The following CTNNBL1 variants were observed in gnomAD, a reference collection of about 807,000 sequenced individuals.
CTNNBL1 encodes catenin beta like 1.
Under a neutral mutation model 72.7 loss-of-function variants are expected in CTNNBL1, and 31 were observed. That is an observed-to-expected ratio of 0.43 (90% CI 0.32 to 0.58). The LOEUF (loss-of-function observed/expected upper bound fraction) is 0.58. CTNNBL1 is among the 20% of genes least tolerant of loss of function. The probability of loss-of-function intolerance (pLI) is 0.08; values close to 1 mark genes in which losing one functional copy is unlikely to be tolerated. For synonymous variants in CTNNBL1, 240 were observed against 267.3 expected, an observed-to-expected ratio of 0.90 and a Z score of 1.00; for missense variants, 534 against 725.1, an observed-to-expected ratio of 0.74 and a Z score of 3.03.
At chr20:37,827,999 GC>G (rs1600513193) in intron 11 of CTNNBL1, among the ~76,000 whole-genome samples, 1 of 152,002 alleles carries the variant, frequency 6.6e-6, no homozygotes, top group East Asian at 1.9e-4. Flanking sequence ...CCCCTTTGTT[GC>G]CCTGATAAAT....
At chr20:37,763,180 A>G (rs2073433842) in intron 5 of CTNNBL1, among the ~76,000 whole-genome samples, 1 of 152,186 alleles carries the variant, frequency 6.6e-6, no homozygotes, top group Admixed American at 6.5e-5. Context: ...TGATTTAGGG[A>G]AAAACATACT....
At chr20:37,758,814 C>T (rs894191241) in intron 5 of CTNNBL1, among the ~76,000 whole-genome samples, 1 of 152,230 alleles carries the variant, frequency 6.6e-6, no homozygotes, top group African/African-American at 2.4e-5. Context: ...ATTAGAAGCA[C>T]CTGGGCTGCT....
intron 11 of CTNNBL1, among the ~76,000 whole-genome samples, chr20:37,815,715 G>A (rs2072051381): frequency 6.6e-6 from 1 of 152,160 alleles, no homozygotes; most frequent in Non-Finnish European, 1.5e-5. Context: ...GTTCATTTGG[G>A]TTATAGCATA....
chr20:37,855,090 C>T (rs917060049), intron 13 of CTNNBL1, among the ~76,000 whole-genome samples: 8 of 130,896 alleles, frequency 6.1e-5, no homozygotes, highest in Non-Finnish European at 1.6e-5. Flanking sequence ...CTACCGAAAG[C>T]TGTGATCTAA....
intron 7 of CTNNBL1, among the ~76,000 whole-genome samples, chr20:37,771,797 T>TA (rs2073526895): frequency 6.6e-6 from 1 of 152,274 alleles, no homozygotes; most frequent in African/African-American, 2.4e-5. Flanking sequence ...CTGTTGTAGA[T>TA]AAAAAATTTA....
At chr20:37,708,316 T>C (rs1329303939) in intron 1 of CTNNBL1, among the ~76,000 whole-genome samples, 1 of 151,618 alleles carries the variant, frequency 6.6e-6, no homozygotes, top group East Asian at 1.9e-4. Flanking sequence ...GGACTACAGG[T>C]GTGTGCCACC....
At chr20:37,795,525 G>A (rs2073765704) in intron 10 of CTNNBL1, among the ~76,000 whole-genome samples, 1 of 152,100 alleles carries the variant, frequency 6.6e-6, no homozygotes, top group African/African-American at 2.4e-5. Context: ...CTGATGATGT[G>A]TTCATTTTTT....
intron 1 of CTNNBL1, among the ~76,000 whole-genome samples, chr20:37,729,560 C>T (rs1356869539): frequency 1.3e-5 from 2 of 151,688 alleles, no homozygotes; most frequent in Admixed American, 6.6e-5. Flanking sequence ...CCTTTTCTTT[C>T]TCCCCTCGGA....
intron 11 of CTNNBL1, among the ~76,000 whole-genome samples, chr20:37,805,876 A>C (rs528689676): frequency 6.6e-5 from 10 of 152,324 alleles, no homozygotes; most frequent in South Asian, 2.1e-4. Context: ...GGTGCTTGGC[A>C]TGTGATAGAT....
At chr20:37,852,943 T>C (rs1488011457) in intron 13 of CTNNBL1, among the ~76,000 whole-genome samples, 1 of 152,184 alleles carries the variant, frequency 6.6e-6, no homozygotes, top group African/African-American at 2.4e-5. Flanking sequence ...GATCCCATCT[T>C]CTTAGTACTC....
intron 15 of CTNNBL1, among the ~76,000 whole-genome samples, chr20:37,865,401 A>G (rs1004413172): frequency 6.6e-6 from 1 of 152,106 alleles, no homozygotes; most frequent in Non-Finnish European, 1.5e-5. Flanking sequence ...CTTCTTTTTT[A>G]TTTTTTATTA....
chr20:37,789,894 A>T (rs1193221987), intron 10 of CTNNBL1, among the ~76,000 whole-genome samples: 1 of 152,214 alleles, frequency 6.6e-6, no homozygotes, highest in East Asian at 1.9e-4. Flanking sequence ...TTAGAAAGAG[A>T]AGAGACCACT....
chr20:37,784,547 A>T (rs939648714), intron 10 of CTNNBL1, among the ~76,000 whole-genome samples: 1 of 152,216 alleles, frequency 6.6e-6, no homozygotes, highest in African/African-American at 2.4e-5. Flanking sequence ...TTAATAACCC[A>T]TTATTTTAAA....
intron 4 of CTNNBL1, among the ~76,000 whole-genome samples, chr20:37,747,938 A>G (rs1378316978): frequency 1.3e-5 from 2 of 152,160 alleles, no homozygotes; most frequent in Non-Finnish European, 2.9e-5. Context: ...TTGTCACTGA[A>G]TCTGATTCGT....
chr20:37,768,748 G>A (rs551580646), intron 7 of CTNNBL1, among the ~76,000 whole-genome samples: 11 of 152,180 alleles, frequency 7.2e-5, no homozygotes, highest in South Asian at 6.2e-4. Context: ...ATTTCTTACT[G>A]TGCCTAATTT....
intron 5 of CTNNBL1, among the ~76,000 whole-genome samples, chr20:37,763,009 T>A (rs2073432156): frequency 6.6e-6 from 1 of 152,070 alleles, no homozygotes; most frequent in South Asian, 2.1e-4. Context: ...ATGGGAAACA[T>A]AACTAAGAAT....
chr20:37,719,372 T>C (rs1317515284), intron 1 of CTNNBL1, among the ~76,000 whole-genome samples: 2 of 152,236 alleles, frequency 1.3e-5, no homozygotes. Context: ...CTGATACAGA[T>C]GCCCCATCCA....
intron 11 of CTNNBL1, among the ~76,000 whole-genome samples, chr20:37,832,800 T>C (rs938658913): frequency 6.6e-6 from 1 of 152,124 alleles, no homozygotes; most frequent in Non-Finnish European, 1.5e-5. Context: ...CTTTTTTTTT[T>C]TTTTTGAGAG....
intron 11 of CTNNBL1, among the ~76,000 whole-genome samples, chr20:37,835,503 G>C (rs1312632086): frequency 1.3e-5 from 2 of 152,170 alleles, no homozygotes; most frequent in African/African-American, 4.8e-5. Context: ...ATCTGAGTGA[G>C]GATATGAGAA....
Sources: allele counts gnomAD v4.1 joint callset (sites outside exome capture counted in the v4.1 genomes callset), GRCh38; gene constraint gnomAD v4.1.1; transcripts MANE v1.5; gene names NCBI Gene and HGNC (gene_info 2026-07-23, HGNC 2026-07-21).